SGSH: variants seen among roughly 807,000 people sequenced by gnomAD.
The protein encoded by SGSH is heparan sulfate sulfatase.
A neutral mutation model predicts 51.0 loss-of-function variants in SGSH; 48 were observed. The ratio of observed to expected loss-of-function variants is 0.94; its 90% CI spans 0.75 to 1.20. SGSH has a LOEUF of 1.20. SGSH is among the 50% of genes most tolerant of loss of function. SGSH has a pLI of 0.00. For synonymous variants in SGSH, 321 were observed against 313.4 expected (o/e 1.02, Z -0.26); for missense variants, 662 against 717.8 (o/e 0.92, Z 0.89).
chr17:80,202,214 A>T, downstream of SGSH: 1 of 1,613,988 alleles, frequency 6.2e-7, no homozygotes, highest in South Asian at 1.1e-5. Context: ...TGGAGGCCAA[A>T]GTGGCGACCT....
rs1212465344 is a variant in SGSH at position 80,220,269 on chromosome 17, C to A, written c.45G>T (p.Leu15=). Residue 15 remains leucine (L), a synonymous_variant, in exon 1 of 8, where the codon CTG becomes CTT. Coordinates refer to ENST00000326317, the MANE Select transcript of SGSH (RefSeq NM_000199.5). The stretch of plus-strand genomic sequence containing the variant: ...TCCGGGGACGCGCCCGGCAGAGCCC[C>A]AGGACTAGCAGCAGCGCGCAGCAGG... The part of the protein sequence containing the change: ...VPACCALLLV[L]GLCRARPRNA... 1 of 1,521,546 alleles carries A rather than the reference C, an allele frequency of 6.6e-7. No individual in the cohort carries two copies. The highest frequency in any genetic ancestry group is 1.4e-5 in the African/African-American group (1 of 71,202). The allele number at this position is 1,521,546 out of a possible 1,614,324, so 94.3% of individuals were successfully genotyped here.
At chr17:80,205,145 G>T, downstream of SGSH, 5 of 1,613,824 alleles carry the variant, frequency 3.1e-6, no homozygotes, top group Non-Finnish European at 4.2e-6. Context: ...GCCCAGGGCG[G>T]TTGGGAAGAT....
downstream of SGSH, chr17:80,208,196 G>A: frequency 1.3e-6 from 2 of 1,553,634 alleles, no homozygotes; most frequent in Non-Finnish European, 1.7e-6. Flanking sequence ...TGCGAGGCAG[G>A]AGGAGGGAGA....
Position 80,210,260 on chromosome 17 carries a change from G to A in SGSH, c.*192C>T. 1 of 1,429,762 alleles carries A rather than the reference G, an allele frequency of 7.0e-7. No individual in the cohort carries two copies. The highest frequency in any genetic ancestry group is 1.5e-5 in the South Asian group (1 of 66,368). 88.6% of individuals were successfully genotyped at this position (1,429,762 alleles called of 1,614,324 possible). A position where few individuals can be genotyped will look rare whatever the true frequency, so the allele number is the denominator to read the frequency against. On this transcript the variant is annotated 3_prime_UTR_variant, in exon 8 of 8. Transcript: ENST00000326317. ...CTGGTGGTGGAGGGGCTGGGCACATGCTCTGGTCACATGCTCTGGTCCCCC... is the reference window on the plus strand; with the variant it reads ...CTGGTGGTGGAGGGGCTGGGCACATACTCTGGTCACATGCTCTGGTCCCCC...
At chr17:80,216,023 A>C (rs1049031564) in intron 2 of SGSH, among the ~76,000 whole-genome samples, 3 of 151,014 alleles carry the variant, frequency 2.0e-5, no homozygotes, top group African/African-American at 7.3e-5. Context: ...CATTGTGCTG[A>C]GTGAAGTAAG....
chr17:80,205,261 C>G (rs556539644), downstream of SGSH: 170 of 1,421,192 alleles, frequency 1.2e-4, 1 homozygote, highest in East Asian at 3.8e-3. Context: ...CCTCCCTCCT[C>G]CCCTTCCTCC....
intron 7 of SGSH, 185 bp from the exon 8 acceptor site, chr17:80,211,196 G>A: frequency 6.8e-7 from 1 of 1,461,530 alleles, no homozygotes; most frequent in Non-Finnish European, 9.0e-7. Context: ...GCCTTGAATG[G>A]TATAACAAGA....
Position 80,214,290 on chromosome 17 carries a change from C to T in SGSH, c.545G>A (p.Arg182His), listed in dbSNP as rs372911015. ...FLYVAFHDPH[R>H]CGHSQPQYGT... Reference sequence around the variant, plus strand: ...GTACTGGGGCTGGGAGTGCCCACAGCGGTGGGGGTCGTGGAAGGCGACGTA... The same window carrying T: ...GTACTGGGGCTGGGAGTGCCCACAGTGGTGGGGGTCGTGGAAGGCGACGTA... Residue 182 changes from arginine to histidine, a missense_variant, in exon 5 of 8, where the codon CGC becomes CAC. Coordinates refer to ENST00000326317, the MANE Select transcript of SGSH (RefSeq NM_000199.5). The T allele has an allele frequency of 9.9e-6, 16 of 1,613,074 alleles. No homozygotes were observed. The highest frequency in any genetic ancestry group is 6.7e-5 in the East Asian group (3 of 44,896).
downstream of SGSH, chr17:80,203,576 C>G (rs957240444): frequency 2.1e-6 from 1 of 474,124 alleles, no homozygotes; most frequent in Non-Finnish European, 3.7e-6. This position sits in a 1 kb window ranked among gnomAD's most constrained non-coding sequence, Gnocchi z 4.6. Flanking sequence ...TGGGTCCCGC[C>G]CCAGGACAAG....
chr17:80,202,661 G>A, downstream of SGSH: 10 of 1,341,420 alleles, frequency 7.5e-6, no homozygotes, highest in Non-Finnish European at 9.7e-6. Flanking sequence ...TTAGCTCTGG[G>A]TTTCTTAGCT....
chr17:80,203,775 C>T (rs749275230), downstream of SGSH: 29 of 1,498,074 alleles, frequency 1.9e-5, no homozygotes, highest in Non-Finnish European at 2.5e-5. The surrounding 1 kb of genome is among the most constrained non-coding windows in gnomAD (Gnocchi z 4.6). Context: ...CTGCCCTGCT[C>T]ACCTGGCAGG....
Position 80,217,179 on chromosome 17 carries a change from G to T in SGSH, c.102C>A (p.Gly34=). 1 of 1,600,908 alleles carries T rather than the reference G, an allele frequency of 6.2e-7. No homozygotes were observed. Residue 34 remains glycine (G), a synonymous_variant, in exon 2 of 8, where the codon GGC becomes GGA. Coordinates refer to ENST00000326317, the MANE Select transcript of SGSH (RefSeq NM_000199.5). ...NALLLLADDG[G]FESGAYNNSA... ...TGTTGTTGTACGCGCCACTCTCAAA[G>T]CCTCCGTCATCCGCTGCGTGAGGTG...
At chr17:80,201,658 C>T in the SGSH span, 24 of 1,469,508 alleles carry the variant, frequency 1.6e-5, no homozygotes, top group African/African-American at 2.8e-5. This position sits in a 1 kb window ranked among gnomAD's most constrained non-coding sequence, Gnocchi z 5.0. Context: ...GCCCGCGCCT[C>T]GCCTCAGTGC....
downstream of SGSH, chr17:80,205,310 A>G (rs1487471675): frequency 1.4e-5 from 13 of 909,708 alleles, no homozygotes; most frequent in Non-Finnish European, 1.7e-5. Context: ...TCCCTCCCCC[A>G]CCACGCACAT....
chr17:80,213,651 C>G lies in SGSH; in HGVS notation c.745+153G>C, dbSNP rs2041761511. The G allele has an allele frequency of 1.4e-6, 1 of 725,000 alleles. No individual in the cohort carries two copies. The highest frequency in any genetic ancestry group is 2.7e-5 in the East Asian group (1 of 36,930). The allele number at this position is 725,000 out of a possible 1,614,324, so 44.9% of individuals were successfully genotyped here. On this transcript the variant is annotated intron_variant, in intron 6 of 7. Coordinates refer to ENST00000326317, the MANE Select transcript of SGSH (RefSeq NM_000199.5). This position sits in a 1 kb window ranked among gnomAD's most constrained non-coding sequence, Gnocchi z 4.6. ...TTGGGTCCTGATGCCACCCACAGGC[C>G]CCTCCTCTCAATGTGGGCTCTGCCA...
intron 5 of SGSH, 62 bp downstream of exon 5, chr17:80,214,110 G>T (rs1488992825): frequency 6.4e-7 from 1 of 1,553,906 alleles, no homozygotes; most frequent in African/African-American, 1.4e-5. Flanking sequence ...AAGCTCGTAG[G>T]AGGCCAGGGT....
downstream of SGSH, chr17:80,201,744 G>T: frequency 6.2e-7 from 1 of 1,614,028 alleles, no homozygotes; most frequent in Non-Finnish European, 8.5e-7. The surrounding 1 kb of genome is among the most constrained non-coding windows in gnomAD (Gnocchi z 5.0). Context: ...TTGCCCTCAG[G>T]TTGATTACGA....
downstream of SGSH, chr17:80,209,236 C>G: frequency 1.2e-6 from 1 of 859,454 alleles, no homozygotes; most frequent in Non-Finnish European, 1.4e-6. Context: ...GTCCAAGAAT[C>G]AGGAAGCTGT....
chr17:80,216,069 C>T (rs1033542735), intron 2 of SGSH, among the ~76,000 whole-genome samples: 1 of 152,170 alleles, frequency 6.6e-6, no homozygotes, highest in African/African-American at 2.4e-5. Flanking sequence ...TGGCTCACGC[C>T]TGTAATCCCA....
Sources: allele counts gnomAD v4.1 joint callset (sites outside exome capture counted in the v4.1 genomes callset), GRCh38; gene constraint gnomAD v4.1.1; non-coding constraint Gnocchi (gnomAD v3.1); transcripts MANE v1.5; gene names NCBI Gene and HGNC (gene_info 2026-07-23, HGNC 2026-07-21).